BPIFB4: variants seen among roughly 807,000 people sequenced by gnomAD.
BPIFB4 encodes BPI fold-containing family B member 4.
BPIFB4 carries 62 observed loss-of-function variants against 69.2 expected under a neutral mutation model. The ratio of observed to expected loss-of-function variants is 0.90; its 90% CI spans 0.73 to 1.11. The LOEUF is 1.11. Among genes scored for constraint, BPIFB4 ranks in the 50% least tolerant of loss-of-function variants. The probability of loss-of-function intolerance (pLI) is 0.00; values close to 1 mark genes in which losing one functional copy is unlikely to be tolerated. For missense variants in BPIFB4, 789 were observed against 792.0 expected, an observed-to-expected ratio of 1.00 and a Z score of 0.04; for synonymous variants, 330 against 332.7, an observed-to-expected ratio of 0.99 and a Z score of 0.09.
intron 9 of BPIFB4, among the ~76,000 whole-genome samples, 177 bp downstream of exon 9, chr20:33,089,735 C>CG (rs1028659901): frequency 1.5e-4 from 23 of 152,134 alleles, no homozygotes; most frequent in African/African-American, 4.6e-4. Flanking sequence ...AAACACCCCC[C>CG]CCGAGTACCA....
chr20:33,097,832 CAG>C, intron 13 of BPIFB4, 45 bp downstream of exon 13: 1 of 1,540,942 alleles, frequency 6.5e-7, no homozygotes, highest in Non-Finnish European at 8.8e-7. Flanking sequence ...GGCCTCAAGA[CAG>C]AGCCACATGG....
In BPIFB4 at chr20:33,111,532, C is replaced by T. The variant is rs1982238633; in HGVS notation, c.*95C>T. The T allele has an allele frequency of 2.0e-6, 3 of 1,502,852 alleles. No individual in the cohort carries two copies. The highest frequency in any genetic ancestry group is 1.4e-5 in the African/African-American group (1 of 72,578). 93.1% of individuals were successfully genotyped at this position (1,502,852 alleles called of 1,614,324 possible). A position where few individuals can be genotyped will look rare whatever the true frequency, so the allele number is the denominator to read the frequency against. On this transcript the variant is annotated 3_prime_UTR_variant, in exon 18 of 18. Coordinates refer to ENST00000375483, the MANE Select transcript of BPIFB4 (RefSeq NM_182519.3). Reference sequence around the variant, plus strand: ...AACAGTCCCCTGCCCAGAGTCCCCTCAGCCTCCATGACAGGTCCCTCCCTG... The same window carrying T: ...AACAGTCCCCTGCCCAGAGTCCCCTTAGCCTCCATGACAGGTCCCTCCCTG...
At position 33,108,068 on chromosome 20, in the gene BPIFB4, G is replaced by A. The variant is rs554553553; in HGVS notation, c.1821+248G>A. On this transcript the variant is annotated intron_variant, in intron 17 of 17. Coordinates refer to ENST00000375483, the MANE Select transcript of BPIFB4 (RefSeq NM_182519.3). ...CAGGTGTCATTGTTGCCATCTTACA[G>A]ATGTGAGAACTGAGGCTCACAGCAG... Among the ~76,000 whole-genome samples the A allele has an allele frequency of 3.9e-5, 6 of 152,302 alleles. No individual in the cohort carries two copies. In the East Asian group the frequency reaches 9.6e-4, roughly 24 times the overall value.
chr20:33,081,140 A>T (rs968055943), intron 2 of BPIFB4, among the ~76,000 whole-genome samples: 1 of 152,216 alleles, frequency 6.6e-6, no homozygotes, highest in Non-Finnish European at 1.5e-5. Flanking sequence ...AGATGAGTAG[A>T]TGGGTAGATG....
intron 17 of BPIFB4, among the ~76,000 whole-genome samples, chr20:33,109,457 G>A (rs1982174432): frequency 1.3e-5 from 2 of 152,092 alleles, no homozygotes; most frequent in Non-Finnish European, 2.9e-5. Context: ...TTGAGTATCA[G>A]AGAGGGTAGG....
chr20:33,096,310 G>A (rs1981751886), intron 12 of BPIFB4, among the ~76,000 whole-genome samples: 1 of 152,110 alleles, frequency 6.6e-6, no homozygotes, highest in Non-Finnish European at 1.5e-5. Flanking sequence ...GAGTCTTGCT[G>A]CGTTGCCTAG....
At chr20:33,100,658 C>T (rs760680051) in intron 14 of BPIFB4, among the ~76,000 whole-genome samples, 165 bp downstream of exon 14, 1 of 152,166 alleles carries the variant, frequency 6.6e-6, no homozygotes, top group Non-Finnish European at 1.5e-5. Flanking sequence ...TGTCACAAGC[C>T]AGGCAAGGTG....
chr20:33,105,418 C>G (rs1009833701), intron 16 of BPIFB4, among the ~76,000 whole-genome samples: 7 of 152,148 alleles, frequency 4.6e-5, no homozygotes, highest in African/African-American at 1.2e-4. Context: ...GAATCTGCCC[C>G]CCTAGGGAAC....
chr20:33,107,214 G>C (rs1306821587), intron 16 of BPIFB4, among the ~76,000 whole-genome samples: 1 of 118,658 alleles, frequency 8.4e-6, no homozygotes, highest in Non-Finnish European at 1.9e-5. Context: ...AAAAAAAAAT[G>C]AAAGAAAGAA....
intron 13 of BPIFB4, among the ~76,000 whole-genome samples, chr20:33,100,184 G>A (rs973567482): frequency 3.9e-5 from 6 of 152,204 alleles, no homozygotes; most frequent in Non-Finnish European, 7.3e-5. Flanking sequence ...GATAGTTAAT[G>A]TTGGCAACTT....
At chr20:33,106,280 C>T (rs1039180737) in intron 16 of BPIFB4, among the ~76,000 whole-genome samples, 63 of 152,150 alleles carry the variant, frequency 4.1e-4, no homozygotes, top group African/African-American at 1.3e-3. Context: ...TAGGGCTCCA[C>T]GTGCACTTTC....
chr20:33,093,132 T>G (rs1981656091), intron 11 of BPIFB4, among the ~76,000 whole-genome samples: 1 of 152,212 alleles, frequency 6.6e-6, no homozygotes, highest in African/African-American at 2.4e-5. Context: ...CTACAACTGA[T>G]GGACATATAT....
At chr20:33,082,346 T>G (rs1014507619) in intron 3 of BPIFB4, among the ~76,000 whole-genome samples, 1 of 119,868 alleles carries the variant, frequency 8.3e-6, no homozygotes, top group Non-Finnish European at 1.8e-5. Context: ...TATTTTATTT[T>G]ATTTGAGACG....
intron 16 of BPIFB4, among the ~76,000 whole-genome samples, chr20:33,107,420 C>T (rs1327779673): frequency 1.3e-5 from 2 of 152,070 alleles, no homozygotes; most frequent in Non-Finnish European, 2.9e-5. Flanking sequence ...TAGTGAAACC[C>T]TGTCTTTACT....
intron 12 of BPIFB4, 79 bp downstream of exon 12, chr20:33,095,232 G>A: frequency 1.4e-6 from 2 of 1,441,070 alleles, no homozygotes; most frequent in Non-Finnish European, 9.8e-7. Flanking sequence ...AAGGGAAGAT[G>A]CTCAGCGCTG....
At chr20:33,090,866 CCCTCCCAGGGCTTCTGCTGAATG>C in intron 10 of BPIFB4, 67 bp downstream of exon 10, 2 of 1,585,028 alleles carry the variant, frequency 1.3e-6, no homozygotes. Flanking sequence ...ATCAGTGAGG[CCCTCCCAGGGCTTCTGCTGAATG>C]CCTGGGAAGT....
At chr20:33,100,603 C>A in intron 14 of BPIFB4, 110 bp downstream of exon 14, 2 of 964,962 alleles carry the variant, frequency 2.1e-6, no homozygotes, top group Non-Finnish European at 3.1e-6. Flanking sequence ...TGGGTAAACC[C>A]AAGGGGCTGC....
At chr20:33,099,877 G>A (rs113591061) in intron 13 of BPIFB4, among the ~76,000 whole-genome samples, 1 of 152,158 alleles carries the variant, frequency 6.6e-6, no homozygotes, top group Admixed American at 6.5e-5. Flanking sequence ...TATTTTGGGT[G>A]GGAGGCAGGG....
intron 12 of BPIFB4, among the ~76,000 whole-genome samples, chr20:33,096,040 C>T (rs1223087567): frequency 6.6e-6 from 1 of 152,038 alleles, no homozygotes; most frequent in Non-Finnish European, 1.5e-5. Context: ...TTCTGCCTGC[C>T]CTGTTTAGTC....
Sources: gnomAD v4.1 joint callset for allele counts (sites outside exome capture counted in the v4.1 genomes callset) on GRCh38, gnomAD v4.1.1 for gene constraint, MANE v1.5 for transcripts, NCBI Gene and HGNC (gene_info 2026-07-23, HGNC 2026-07-21) for gene names.